Variants in CACNA1D observed in about 807,000 individuals in gnomAD.
The protein encoded by CACNA1D is calcium voltage-gated channel subunit alpha1 D.
CACNA1D carries 55 observed loss-of-function variants against 257.1 expected under a neutral mutation model. The ratio of observed to expected loss-of-function variants is 0.21; its 90% CI spans 0.17 to 0.27. The LOEUF is 0.27. Among genes scored for constraint, CACNA1D ranks in the 10% least tolerant of loss-of-function variants. CACNA1D has a pLI of 1.00. For synonymous variants in CACNA1D, 980 were observed against 1,014.9 expected (o/e 0.97, Z 0.65); for missense variants, 1,876 against 2,784.0 (o/e 0.67, Z 7.34).
chr3:53,689,332 A>C (rs1179184340), intron 8 of CACNA1D, among the ~76,000 whole-genome samples: 2 of 149,412 alleles, frequency 1.3e-5, no homozygotes, highest in African/African-American at 2.5e-5. Flanking sequence ...GGGAATACCC[A>C]CTGAGAGAGG....
At chr3:53,566,839 C>G (rs1413310416) in intron 3 of CACNA1D, among the ~76,000 whole-genome samples, 1 of 152,226 alleles carries the variant, frequency 6.6e-6, no homozygotes, top group Non-Finnish European at 1.5e-5. Flanking sequence ...ACATGCTAAG[C>G]ACCTTGAGAC....
At chr3:53,658,336 T>G (rs1227109171) in intron 4 of CACNA1D, among the ~76,000 whole-genome samples, 1 of 152,208 alleles carries the variant, frequency 6.6e-6, no homozygotes, top group Non-Finnish European at 1.5e-5. Flanking sequence ...GGGACTTTCC[T>G]AATATCTCAT....
rs779078164 is a variant in CACNA1D at position 53,789,019 on chromosome 3, C to T, written c.4923+2067C>T. 2.6e-5 allele frequency among the ~76,000 whole-genome samples: 4 copies of T among 152,130 alleles called. No homozygotes were observed. The highest frequency in any genetic ancestry group is 9.7e-5 in the African/African-American group (4 of 41,422). On this transcript the variant is annotated intron_variant, in intron 40 of 47. Coordinates refer to ENST00000350061, the MANE Select transcript of CACNA1D (RefSeq NM_001128840.3). The surrounding 1 kb of genome is among the most constrained non-coding windows in gnomAD (Gnocchi z 4.2). ...ACAGCTAAGTCATTACCAGGTTTCA[C>T]GTATGGGGTTTACTGAGTCTTAAGT...
In CACNA1D at chr3:53,495,792, C is replaced by G. The variant is rs916687528; in HGVS notation, c.67+559C>G. On this transcript the variant is annotated intron_variant, in intron 1 of 47. Coordinates refer to ENST00000350061, the MANE Select transcript of CACNA1D (RefSeq NM_001128840.3). This position sits in a 1 kb window ranked among gnomAD's most constrained non-coding sequence, Gnocchi z 5.1. ...GGTTCGGGTGGAGCGTGCGTTCCCG[C>G]TCCCGTCGCCGGCTGTGCACACGTC... 6.6e-5 allele frequency among the ~76,000 whole-genome samples: 10 copies of G among 152,250 alleles called. No individual in the cohort carries two copies. Among genetic ancestry groups the G allele is most frequent in the Admixed American group, 5.2e-4 (8 of 15,288 alleles).
At chr3:53,527,025 C>T (rs2091790694) in intron 3 of CACNA1D, among the ~76,000 whole-genome samples, 1 of 152,218 alleles carries the variant, frequency 6.6e-6, no homozygotes, top group Non-Finnish European at 1.5e-5. Flanking sequence ...TGTTAGAAAG[C>T]TCTCAAACAT....
At chr3:53,713,598 G>A (rs1056279026) in intron 9 of CACNA1D, among the ~76,000 whole-genome samples, 5 of 151,380 alleles carry the variant, frequency 3.3e-5, no homozygotes, top group Non-Finnish European at 4.4e-5. Flanking sequence ...GACGAATGTC[G>A]TCCTTCAGCA....
At chr3:53,638,227 A>G (rs771359172) in intron 3 of CACNA1D, among the ~76,000 whole-genome samples, 5 of 152,196 alleles carry the variant, frequency 3.3e-5, no homozygotes, top group African/African-American at 9.6e-5. Flanking sequence ...TGTTCTGTCT[A>G]TAGCAAACCA....
rs78554761 is a variant in CACNA1D at position 53,698,779 on chromosome 3, G to A, written c.1221-3862G>A. 1.4e-3 allele frequency among the ~76,000 whole-genome samples: 203 copies of A among 147,098 alleles called. No individual in the cohort carries two copies. In the East Asian group the frequency reaches 0.034, roughly 24 times the overall value. On this transcript the variant is annotated intron_variant, in intron 8 of 47. Transcript: ENST00000350061. ...TGCTCCTTTTATTTCCCAGTTTTTC[G>A]TGTGTAAAGGGTAGCACACTTTATT...
intron 39 of CACNA1D, chr3:53,782,264 G>GTATATATATATA (rs1553680730): frequency 0.02 from 1,518 of 75,342 alleles, 42 homozygotes; most frequent in East Asian, 0.041. Context: ...GTGTGTGTGT[G>GTATATATATATA]TATATATATA....
chr3:53,496,270 C>T (rs374290813), intron 1 of CACNA1D, among the ~76,000 whole-genome samples: 28 of 152,294 alleles, frequency 1.8e-4, no homozygotes, highest in African/African-American at 6.7e-4. Context: ...CCAAAGCTGG[C>T]GGGGGCTTCG....
rs1359383557 is a variant in CACNA1D, at chr3:53,745,739, A to T, written c.3114+8A>T. The T allele has an allele frequency of 6.2e-7, 1 of 1,604,968 alleles. No individual in the cohort carries two copies. Among genetic ancestry groups the T allele is most frequent in the Non-Finnish European group, 8.5e-7 (1 of 1,171,622 alleles). ...GGGGTCCAGTTGTTCAAGGTAGAGG[A>T]ACTGCCTCCAAGCATAAAACTCAGG... On this transcript the variant is annotated splice_region_variant and intron_variant, in intron 24 of 47. Coordinates refer to ENST00000350061, the MANE Select transcript of CACNA1D (RefSeq NM_001128840.3).
intron 3 of CACNA1D, among the ~76,000 whole-genome samples, chr3:53,513,598 T>C (rs916483657): frequency 6.6e-6 from 1 of 152,194 alleles, no homozygotes; most frequent in African/African-American, 2.4e-5. Flanking sequence ...TGTGCCACTT[T>C]ATTCCATCCT....
chr3:53,702,065 G>A (rs898947246), intron 8 of CACNA1D, among the ~76,000 whole-genome samples: 2 of 152,208 alleles, frequency 1.3e-5, no homozygotes, highest in Non-Finnish European at 2.9e-5. Context: ...CTGACTCCAT[G>A]CACTGCTCTG....
chr3:53,691,850 TATATAATATATATTATATATATTAC>T (rs1202582474), intron 8 of CACNA1D, among the ~76,000 whole-genome samples: 32 of 109,032 alleles, frequency 2.9e-4, no homozygotes, highest in African/African-American at 8.2e-4. Context: ...ACATATATAA[TATATAATATATATTATATATATTAC>T]ATATAATATA....
chr3:53,750,277 G>T (rs574440294), intron 27 of CACNA1D, among the ~76,000 whole-genome samples: 8 of 152,162 alleles, frequency 5.3e-5, no homozygotes, highest in Non-Finnish European at 1.5e-5. Flanking sequence ...CCCTGCTGGG[G>T]CTTGATCCCT....
At chr3:53,796,061 G>T (rs2095506196) in intron 40 of CACNA1D, 1 of 244,204 alleles carries the variant, frequency 4.1e-6, no homozygotes, top group Non-Finnish European at 8.5e-6. Flanking sequence ...GTGCCCACGT[G>T]TGATGTGCTG....
intron 3 of CACNA1D, among the ~76,000 whole-genome samples, chr3:53,648,410 T>G (rs2094045891): frequency 6.6e-6 from 1 of 152,150 alleles, no homozygotes; most frequent in Non-Finnish European, 1.5e-5. Flanking sequence ...TCCTTTTTCT[T>G]TGAGCTTTCA....
At chr3:53,771,137 T>TC (rs35946303) in intron 32 of CACNA1D, among the ~76,000 whole-genome samples, 6 of 152,280 alleles carry the variant, frequency 3.9e-5, no homozygotes, top group Non-Finnish European at 5.9e-5. Context: ...AACCAGCTTT[T>TC]CCCGTACCTG....
chr3:53,722,817 G>A (rs981211725), intron 12 of CACNA1D, among the ~76,000 whole-genome samples: 1 of 152,150 alleles, frequency 6.6e-6, no homozygotes, highest in Admixed American at 6.5e-5. Flanking sequence ...CTGGCAAATG[G>A]TTTTGGTTCC....
Sources: gnomAD v4.1 joint callset for allele counts (sites outside exome capture counted in the v4.1 genomes callset) on GRCh38, gnomAD v4.1.1 for gene constraint, Gnocchi (gnomAD v3.1) non-coding constraint, MANE v1.5 for transcripts, NCBI Gene and HGNC (gene_info 2026-07-23, HGNC 2026-07-21) for gene names.